The following SNX29 variants were observed in gnomAD, a reference collection of about 807,000 sequenced individuals.
The protein encoded by SNX29 is sorting nexin 29.
SNX29 carries 78 observed loss-of-function variants against 102.1 expected under a neutral mutation model. The ratio of observed to expected loss-of-function variants is 0.76; its 90% CI spans 0.64 to 0.92. The LOEUF (loss-of-function observed/expected upper bound fraction) is 0.92, where lower values mean the gene tolerates loss of function less well. SNX29 is among the 40% of genes least tolerant of loss of function. The pLI is 0.00. For synonymous variants in SNX29, 580 were observed against 414.5 expected (o/e 1.40, Z -4.85); for missense variants, 1,280 against 1,061.7 (o/e 1.21, Z -2.86).
chr16:12,168,685 C>T (rs1036072585), intron 13 of SNX29, among the ~76,000 whole-genome samples: 14 of 152,212 alleles, frequency 9.2e-5, no homozygotes, highest in South Asian at 2.1e-4. Context: ...CACACAGAGG[C>T]GCTTCAGCCA....
intron 15 of SNX29, among the ~76,000 whole-genome samples, chr16:12,348,049 G>T (rs2081870239): frequency 6.6e-6 from 1 of 152,076 alleles, no homozygotes; most frequent in Non-Finnish European, 1.5e-5. Context: ...CTGTACTCCA[G>T]CCTGGGCAAC....
intron 16 of SNX29, among the ~76,000 whole-genome samples, chr16:12,357,284 A>G (rs12102559): frequency 0.028 from 4,217 of 152,202 alleles, 226 homozygotes; most frequent in African/African-American, 0.096. Context: ...TATCATTTCA[A>G]TCAAATTCTG....
intron 13 of SNX29, among the ~76,000 whole-genome samples, chr16:12,178,420 T>C (rs1596442220): frequency 1.3e-5 from 2 of 152,286 alleles, no homozygotes; most frequent in East Asian, 1.9e-4. Flanking sequence ...TTCTGTTCCA[T>C]GGAATGCAAC....
chr16:12,539,821 A>G (rs945491845), intron 20 of SNX29, among the ~76,000 whole-genome samples: 1 of 152,192 alleles, frequency 6.6e-6, no homozygotes, highest in South Asian at 2.1e-4. Flanking sequence ...GTTTTCCTTT[A>G]ACACATCCTC....
intron 20 of SNX29, among the ~76,000 whole-genome samples, chr16:12,552,210 C>T (rs757221638): frequency 3.9e-5 from 6 of 152,162 alleles, no homozygotes; most frequent in Non-Finnish European, 7.3e-5. Context: ...AGGGGAGGGC[C>T]GTGGAGTCAG....
intron 18 of SNX29, among the ~76,000 whole-genome samples, chr16:12,461,479 G>T (rs1314247133): frequency 6.6e-6 from 1 of 152,142 alleles, no homozygotes; most frequent in African/African-American, 2.4e-5. Context: ...AAGACAAATG[G>T]AAACTTATTC....
intron 13 of SNX29, among the ~76,000 whole-genome samples, chr16:12,134,185 A>C (rs2054575026): frequency 6.6e-6 from 1 of 152,230 alleles, no homozygotes; most frequent in Non-Finnish European, 1.5e-5. Flanking sequence ...AGTGGCTTTG[A>C]AGGAAGCAAG....
At chr16:12,550,407 C>G (rs1010908207) in intron 20 of SNX29, among the ~76,000 whole-genome samples, 1 of 152,016 alleles carries the variant, frequency 6.6e-6, no homozygotes, top group South Asian at 2.1e-4. Context: ...TGGTGGTGCA[C>G]GCCTGTACTC....
At chr16:12,385,191 T>G (rs1028963551) in intron 16 of SNX29, among the ~76,000 whole-genome samples, 1 of 152,080 alleles carries the variant, frequency 6.6e-6, no homozygotes, top group Admixed American at 6.6e-5. Context: ...AAAGAAAAGT[T>G]CTGTGGGGAC....
In SNX29 at chr16:12,029,884, G is replaced by T. The variant is rs576990147; in HGVS notation, c.247+2440G>T. The T allele has an allele frequency of 1.8e-5, 6 of 325,990 alleles. No homozygotes were observed. The Admixed American group carries it at 2.6e-4, about 14-fold the overall frequency. 20.2% of individuals were successfully genotyped at this position (325,990 alleles called of 1,614,324 possible). A position where few individuals can be genotyped will look rare whatever the true frequency, so the allele number is the denominator to read the frequency against. ...TGGGATTACAGGCATGAGCCACCAC[G>T]CCTGGCTGGAATTTGATGTTCTTTT... is the stretch of plus-strand genomic sequence containing the variant. On this transcript the variant is annotated intron_variant, in intron 4 of 20. Coordinates refer to ENST00000566228, the MANE Select transcript of SNX29 (RefSeq NM_032167.5).
intron 20 of SNX29, among the ~76,000 whole-genome samples, chr16:12,549,418 C>G (rs528495153): frequency 6.6e-6 from 1 of 152,172 alleles, no homozygotes; most frequent in African/African-American, 2.4e-5. Flanking sequence ...TCTCTTGAAC[C>G]TGGGAGGTGG....
intron 13 of SNX29, among the ~76,000 whole-genome samples, chr16:12,146,425 C>G (rs1247905208): frequency 1.3e-5 from 2 of 152,108 alleles, no homozygotes; most frequent in East Asian, 3.8e-4. Flanking sequence ...ACCATCATGC[C>G]CAGCTAATTT....
At chr16:12,434,389 C>T (rs1004214186) in intron 18 of SNX29, among the ~76,000 whole-genome samples, 5 of 152,018 alleles carry the variant, frequency 3.3e-5, no homozygotes, top group African/African-American at 9.7e-5. Flanking sequence ...AGGCCTGTAC[C>T]CTGAAAACTG....
chr16:12,532,521 T>TAAGAATAACTTA (rs2076959485), intron 20 of SNX29, among the ~76,000 whole-genome samples: 1 of 152,242 alleles, frequency 6.6e-6, no homozygotes, highest in South Asian at 2.1e-4. Flanking sequence ...AGTAATAGTT[T>TAAGAATAACTTA]AAGAATAACT....
intron 19 of SNX29, among the ~76,000 whole-genome samples, chr16:12,482,244 A>G (rs142844855): frequency 2.8e-4 from 42 of 152,258 alleles, no homozygotes; most frequent in African/African-American, 9.6e-4. Context: ...GTTTGGGTTG[A>G]TTTAATTAAT....
chr16:12,543,366 T>G (rs1437006946), intron 20 of SNX29, among the ~76,000 whole-genome samples: 1 of 152,000 alleles, frequency 6.6e-6, no homozygotes, highest in Non-Finnish European at 1.5e-5. Context: ...CCACCTAAGC[T>G]CATGGACTGA....
chr16:12,563,105 A>C (rs1483906146), intron 20 of SNX29, among the ~76,000 whole-genome samples: 1 of 95,322 alleles, frequency 1.0e-5, no homozygotes, highest in Non-Finnish European at 3.0e-5. Flanking sequence ...GACGCACGCT[A>C]ACAACAGAGC....
At position 12,215,314 on chromosome 16, in the gene SNX29, A is replaced by G. The variant is rs75258429; in HGVS notation, c.1678+15631A>G. On this transcript the variant is annotated intron_variant, in intron 14 of 20. Coordinates refer to ENST00000566228, the MANE Select transcript of SNX29 (RefSeq NM_032167.5). ...GGAGTTTGAGACGCAATCTCTACAG[A>G]AAAAAAAAAAAAAAATCAGAAGGTG... Among the ~76,000 whole-genome samples the G allele has an allele frequency of 1.6e-4, 7 of 42,712 alleles. No homozygotes were observed. The South Asian group carries it at 0.011, about 64-fold the overall frequency. The allele number at this position is 42,712 out of a possible 152,430, so 28.0% of individuals were successfully genotyped here. A position where few individuals can be genotyped will look rare whatever the true frequency, so the allele number is the denominator to read the frequency against.
rs900954557 is a variant in SNX29, at chr16:12,450,652, C to T, written c.2038-27067C>T. Reference sequence around the variant, plus strand: ...CAGGCCACGGTTACCAAAGAGGGTGCAATATGAACCAGGTGGCCCAAAGGA... The same window carrying T: ...CAGGCCACGGTTACCAAAGAGGGTGTAATATGAACCAGGTGGCCCAAAGGA... On this transcript the variant is annotated intron_variant, in intron 18 of 20. Transcript: ENST00000566228. Among the ~76,000 whole-genome samples, 24 of 152,166 alleles carry T rather than the reference C, an allele frequency of 1.6e-4. 1 individual carries two copies. Among genetic ancestry groups the T allele is most frequent in the Admixed American group, 7.2e-4 (11 of 15,286 alleles).
Sources: gnomAD v4.1 joint callset for allele counts (sites outside exome capture counted in the v4.1 genomes callset) on GRCh38, gnomAD v4.1.1 for gene constraint, MANE v1.5 for transcripts, NCBI Gene and HGNC (gene_info 2026-07-23, HGNC 2026-07-21) for gene names.